STON2: variants seen among roughly 807,000 people sequenced by gnomAD.
STON2 encodes stonin-2.
STON2 carries 29 observed loss-of-function variants against 65.7 expected under a neutral mutation model. The ratio of observed to expected loss-of-function variants is 0.44; its 90% CI spans 0.33 to 0.60. The LOEUF is 0.60. STON2 is among the 20% of genes least tolerant of loss of function. STON2 has a pLI of 0.03. For missense variants in STON2, 1,054 were observed against 1,118.1 expected, an observed-to-expected ratio of 0.94 and a Z score of 0.82; for synonymous variants, 404 against 414.2, an observed-to-expected ratio of 0.98 and a Z score of 0.30.
intron 4 of STON2, among the ~76,000 whole-genome samples, chr14:81,361,063 AC>A (rs1288213404): frequency 1.3e-5 from 2 of 152,170 alleles, no homozygotes; most frequent in Admixed American, 1.3e-4. Flanking sequence ...AAATGACCAT[AC>A]CACCCAAAGC....
At chr14:81,295,042 G>A (rs1471352567) in intron 5 of STON2, among the ~76,000 whole-genome samples, 2 of 152,052 alleles carry the variant, frequency 1.3e-5, no homozygotes, top group African/African-American at 2.4e-5. Context: ...GAAGATCATA[G>A]GGCCGGGCAC....
chr14:81,328,202 G>A (rs551095926), intron 4 of STON2, among the ~76,000 whole-genome samples: 1 of 152,290 alleles, frequency 6.6e-6, no homozygotes, highest in African/African-American at 2.4e-5. Flanking sequence ...CTTCAGGGAT[G>A]ATTGGCTTTA....
At chr14:81,420,276 A>T (rs1419546893) in intron 2 of STON2, among the ~76,000 whole-genome samples, 1 of 152,222 alleles carries the variant, frequency 6.6e-6, no homozygotes, top group Non-Finnish European at 1.5e-5. Context: ...GAAAGTTAAA[A>T]TCTGGATAAG....
At chr14:81,331,875 A>C (rs1187615013) in intron 4 of STON2, among the ~76,000 whole-genome samples, 1 of 152,188 alleles carries the variant, frequency 6.6e-6, no homozygotes, top group African/African-American at 2.4e-5. Flanking sequence ...CTCATTCCTC[A>C]ACAGTTTAAT....
rs1427363671 is a variant in STON2 at position 81,267,807 on chromosome 14, T to C, written c.*607A>G. On this transcript the variant is annotated 3_prime_UTR_variant, in exon 8 of 8. Coordinates refer to ENST00000614646, the MANE Select transcript of STON2 (RefSeq NM_001394390.1). The stretch of plus-strand genomic sequence containing the variant: ...TCCTGTGACTGAAACCTTAGAGAGA[T>C]GGAAAAAGTGTTCCAATCTAAACGA... 1.0e-6 allele frequency: 1 copy of C among 985,270 alleles called. No individual in the cohort carries two copies. The highest frequency in any genetic ancestry group is 1.7e-5 in the African/African-American group (1 of 57,212). The allele number at this position is 985,270 out of a possible 1,614,324, so 61.0% of individuals were successfully genotyped here.
upstream of STON2, among the ~76,000 whole-genome samples, chr14:81,401,838 T>C (rs1900626064): frequency 6.6e-6 from 1 of 152,198 alleles, no homozygotes; most frequent in Non-Finnish European, 1.5e-5. Context: ...CTTATGACAG[T>C]CCTCTAATTG....
intron 5 of STON2, among the ~76,000 whole-genome samples, chr14:81,291,858 T>TATACAC (rs1305034432): frequency 7.3e-6 from 1 of 137,726 alleles, no homozygotes; most frequent in Non-Finnish European, 1.6e-5. Flanking sequence ...TTAGCATGGG[T>TATACAC]ACACACACAC....
intron 2 of STON2, among the ~76,000 whole-genome samples, chr14:81,410,162 C>T (rs1361280938): frequency 6.6e-6 from 1 of 151,128 alleles, no homozygotes; most frequent in Non-Finnish European, 1.5e-5. Flanking sequence ...GTCACTGAGC[C>T]ACTGAACTGA....
chr14:81,425,887 T>C (rs1017383824), intron 2 of STON2, among the ~76,000 whole-genome samples: 1 of 152,202 alleles, frequency 6.6e-6, no homozygotes, highest in African/African-American at 2.4e-5. Context: ...CCTCTCTCTT[T>C]TATTATTTTT....
intron 6 of STON2, among the ~76,000 whole-genome samples, chr14:81,274,661 T>G (rs1894736195): frequency 6.6e-6 from 1 of 151,926 alleles, no homozygotes; most frequent in Non-Finnish European, 1.5e-5. Context: ...TAGGGCCAGG[T>G]GCGGTGCCTC....
intron 4 of STON2, among the ~76,000 whole-genome samples, chr14:81,325,925 A>G (rs1171095886): frequency 6.6e-6 from 1 of 151,408 alleles, no homozygotes; most frequent in African/African-American, 2.4e-5. Context: ...TACACGTTTT[A>G]CTCTACGGGT....
At chr14:81,400,736 G>A (rs972356022), upstream of STON2, among the ~76,000 whole-genome samples, 7 of 152,110 alleles carry the variant, frequency 4.6e-5, no homozygotes, top group African/African-American at 1.7e-4. Context: ...TCAGGCACAC[G>A]AATAGAGATT....
intron 5 of STON2, among the ~76,000 whole-genome samples, chr14:81,284,786 C>T (rs1197131270): frequency 6.6e-6 from 1 of 152,192 alleles, no homozygotes; most frequent in Non-Finnish European, 1.5e-5. Context: ...GACAGGCTGA[C>T]TCTCTTGCTA....
chr14:81,418,695 T>C (rs4438231), intron 2 of STON2, among the ~76,000 whole-genome samples: 3,749 of 152,326 alleles, frequency 0.025, 72 homozygotes, highest in Non-Finnish European at 0.035. Flanking sequence ...CTGGGATCTT[T>C]TCTGCCACAA....
At chr14:81,342,841 G>A (rs1307136433) in intron 4 of STON2, among the ~76,000 whole-genome samples, 1 of 152,206 alleles carries the variant, frequency 6.6e-6, no homozygotes, top group African/African-American at 2.4e-5. Flanking sequence ...GGGGCAACCT[G>A]TGAGGCAGTA....
intron 5 of STON2, among the ~76,000 whole-genome samples, chr14:81,287,436 C>T (rs1895379995): frequency 6.6e-6 from 1 of 152,180 alleles, no homozygotes; most frequent in African/African-American, 2.4e-5. Context: ...TACCACTTAA[C>T]ATTACTTAAC....
At chr14:81,378,144 C>T (rs1417354503) in intron 3 of STON2, among the ~76,000 whole-genome samples, 1 of 151,946 alleles carries the variant, frequency 6.6e-6, no homozygotes, top group African/African-American at 2.4e-5. Context: ...CCACACCCAG[C>T]CTAGCCCATT....
At chr14:81,396,459 T>TG (rs1464420795) in intron 2 of STON2, among the ~76,000 whole-genome samples, 1 of 152,192 alleles carries the variant, frequency 6.6e-6, no homozygotes, top group African/African-American at 2.4e-5. Context: ...CTCCAGTGCT[T>TG]GGGGGTCACA....
intron 4 of STON2, among the ~76,000 whole-genome samples, chr14:81,348,523 G>A (rs1897902405): frequency 6.6e-6 from 1 of 151,678 alleles, no homozygotes; most frequent in Non-Finnish European, 1.5e-5. Context: ...AAACAATCCT[G>A]GGAATAAATG....
Sources: gnomAD v4.1 joint callset for allele counts (sites outside exome capture counted in the v4.1 genomes callset) on GRCh38, gnomAD v4.1.1 for gene constraint, MANE v1.5 for transcripts, NCBI Gene and HGNC (gene_info 2026-07-23, HGNC 2026-07-21) for gene names.